Variants in ROR2 observed in about 807,000 individuals in gnomAD.
The protein encoded by ROR2 is ROR family WNT receptor 2.
Under a neutral mutation model 74.9 loss-of-function variants are expected in ROR2, and 33 were observed. That is an observed-to-expected ratio of 0.44 (90% CI 0.33 to 0.59). The LOEUF (loss-of-function observed/expected upper bound fraction) is 0.59. Ranked by LOEUF, ROR2 falls within the 20% of genes least tolerant of loss-of-function variation. The pLI is 0.02. For missense variants in ROR2, 1,216 were observed against 1,313.8 expected, an observed-to-expected ratio of 0.93 and a Z score of 1.15; for synonymous variants, 586 against 558.7, an observed-to-expected ratio of 1.05 and a Z score of -0.69.
Position 91,733,443 on chromosome 9 carries a change from A to G in ROR2, c.623-7T>C. 1 of 1,608,872 alleles carries G rather than the reference A, an allele frequency of 6.2e-7. No individual in the cohort carries two copies. Among genetic ancestry groups the G allele is most frequent in the Non-Finnish European group, 8.5e-7 (1 of 1,179,016 alleles). ...CCGATCATGGTGAAGGCCGCTGCAG[A>G]GCCCGCGAGACTCGCGTTAGCGGGG... On this transcript the variant is annotated splice_polypyrimidine_tract_variant and splice_region_variant and intron_variant, in intron 5 of 8. Coordinates refer to ENST00000375708, the MANE Select transcript of ROR2 (RefSeq NM_004560.4). The surrounding 1 kb of genome is among the most constrained non-coding windows in gnomAD (Gnocchi z 5.7).
chr9:91,744,096 A>G (rs943433103), intron 4 of ROR2, among the ~76,000 whole-genome samples: 1 of 152,178 alleles, frequency 6.6e-6, no homozygotes, highest in East Asian at 1.9e-4. Flanking sequence ...TCTCCAAACA[A>G]AATGTCAACA....
At chr9:91,726,891 C>A in intron 7 of ROR2, 148 bp from the exon 8 acceptor site, 1 of 780,578 alleles carries the variant, frequency 1.3e-6, no homozygotes, top group Non-Finnish European at 2.2e-6. Context: ...AAGGGCACAC[C>A]ACACCTTAAA....
intron 6 of ROR2, among the ~76,000 whole-genome samples, chr9:91,732,554 C>A (rs1837283329): frequency 2.6e-5 from 4 of 152,180 alleles, no homozygotes; most frequent in Admixed American, 6.5e-5. Context: ...CTAGTGATGC[C>A]TGATTGTTAC....
chr9:91,744,289 G>A (rs906674486), intron 4 of ROR2, among the ~76,000 whole-genome samples: 4 of 124,344 alleles, frequency 3.2e-5, no homozygotes, highest in Non-Finnish European at 6.2e-5. Context: ...GCAGTATCAC[G>A]ATCTTGGCTC....
intron 1 of ROR2, among the ~76,000 whole-genome samples, chr9:91,808,554 G>A (rs1428487177): frequency 2.6e-5 from 4 of 152,130 alleles, no homozygotes; most frequent in Non-Finnish European, 5.9e-5. Flanking sequence ...AACCCGGAAG[G>A]TGGAGCTTGC....
intron 1 of ROR2, among the ~76,000 whole-genome samples, chr9:91,776,182 T>G (rs879432415): frequency 6.6e-5 from 10 of 152,188 alleles, no homozygotes; most frequent in Admixed American, 6.5e-4. Context: ...TGTAGCCAGA[T>G]GCCGCAGACT....
chr9:91,945,829 T>G (rs1294917097), intron 1 of ROR2, among the ~76,000 whole-genome samples: 1 of 152,218 alleles, frequency 6.6e-6, no homozygotes, highest in Non-Finnish European at 1.5e-5. Flanking sequence ...TTATGACAAC[T>G]GCACACGCAA....
At chr9:91,834,315 C>G (rs1233463756) in intron 1 of ROR2, among the ~76,000 whole-genome samples, 1 of 152,334 alleles carries the variant, frequency 6.6e-6, no homozygotes, top group East Asian at 1.9e-4. Flanking sequence ...CCCAGGACCA[C>G]GTCCCCGCGT....
At chr9:91,761,752 C>T (rs566984513) in intron 2 of ROR2, among the ~76,000 whole-genome samples, 30 of 152,254 alleles carry the variant, frequency 2.0e-4, no homozygotes, top group African/African-American at 7.0e-4. Context: ...TAGAAATTGA[C>T]CCTTCCTCAG....
intron 1 of ROR2, among the ~76,000 whole-genome samples, chr9:91,881,799 G>A (rs150246001): frequency 6.6e-6 from 1 of 152,144 alleles, no homozygotes; most frequent in Non-Finnish European, 1.5e-5. Flanking sequence ...AGAAAAGCCC[G>A]ACAGGGGCAA....
chr9:91,822,063 T>C (rs1226215587), intron 1 of ROR2, among the ~76,000 whole-genome samples: 1 of 152,126 alleles, frequency 6.6e-6, no homozygotes, highest in East Asian at 1.9e-4. Flanking sequence ...CAAAACAAAT[T>C]GTAAACACGG....
chr9:91,747,282 T>C (rs917485909), intron 4 of ROR2, among the ~76,000 whole-genome samples: 10 of 152,192 alleles, frequency 6.6e-5, no homozygotes, highest in African/African-American at 2.4e-4. Flanking sequence ...GGGAAAGCAA[T>C]GTCTTATGGT....
Position 91,729,125 on chromosome 9 carries a change from T to C in ROR2, c.1183+1785A>G, listed in dbSNP as rs140192384. On this transcript the variant is annotated intron_variant, in intron 7 of 8. Coordinates refer to ENST00000375708, the MANE Select transcript of ROR2 (RefSeq NM_004560.4). ...AAAAAAGTCTTGTATTTGAACACTT[T>C]TGTAGGTCTGGGGAAATCACTGCTA... Among the ~76,000 whole-genome samples, 3 of 152,304 alleles carry C rather than the reference T, an allele frequency of 2.0e-5. No homozygotes were observed. The East Asian group carries it at 5.8e-4, about 29-fold the overall frequency.
intron 2 of ROR2, among the ~76,000 whole-genome samples, chr9:91,774,551 C>A (rs1341395551): frequency 6.6e-6 from 1 of 152,104 alleles, no homozygotes; most frequent in East Asian, 1.9e-4. Context: ...TCCTCCTGCT[C>A]CCCAAACAGA....
At chr9:91,786,517 G>A (rs925001937) in intron 1 of ROR2, among the ~76,000 whole-genome samples, 1 of 152,110 alleles carries the variant, frequency 6.6e-6, no homozygotes, top group African/African-American at 2.4e-5. Context: ...TTGATAAGAA[G>A]GTGGGTCTGT....
intron 4 of ROR2, 94 bp downstream of exon 4, chr9:91,755,977 A>C: frequency 7.1e-7 from 1 of 1,405,530 alleles, no homozygotes; most frequent in Non-Finnish European, 1.0e-6. Flanking sequence ...CAAATTCGGC[A>C]AAGACATGAG....
At chr9:91,753,281 G>T (rs1587686731) in intron 4 of ROR2, among the ~76,000 whole-genome samples, 1 of 152,272 alleles carries the variant, frequency 6.6e-6, no homozygotes, top group East Asian at 1.9e-4. Context: ...GGAAAAATGA[G>T]CGAAGAATAT....
chr9:91,825,376 C>T (rs1033399248), intron 1 of ROR2, among the ~76,000 whole-genome samples: 6 of 152,308 alleles, frequency 3.9e-5, no homozygotes, highest in South Asian at 4.1e-4. Flanking sequence ...TGTGGGGCAC[C>T]CGGTGGGCTC....
intron 2 of ROR2, among the ~76,000 whole-genome samples, chr9:91,774,364 A>G (rs778930855): frequency 6.6e-6 from 1 of 152,206 alleles, no homozygotes; most frequent in Non-Finnish European, 1.5e-5. Context: ...GGACAGAAAT[A>G]AAGTGGCTGT....
Sources: allele counts gnomAD v4.1 joint callset (sites outside exome capture counted in the v4.1 genomes callset), GRCh38; gene constraint gnomAD v4.1.1; non-coding constraint Gnocchi (gnomAD v3.1); transcripts MANE v1.5; gene names NCBI Gene and HGNC (gene_info 2026-07-23, HGNC 2026-07-21).